The following RAB31 variants were observed in gnomAD, a reference collection of about 807,000 sequenced individuals.
RAB31 encodes the protein ras-related protein Rab-31.
A neutral mutation model predicts 25.6 loss-of-function variants in RAB31; 21 were observed. The ratio of observed to expected loss-of-function variants is 0.82; its 90% confidence interval spans 0.58 to 1.18. The LOEUF (loss-of-function observed/expected upper bound fraction) is 1.18. Ranked by LOEUF, RAB31 falls within the 50% of genes most tolerant of loss-of-function variation. The pLI is 0.00. For missense variants in RAB31, 196 were observed against 250.1 expected (o/e 0.78, Z 1.46); for synonymous variants, 87 against 84.0 (o/e 1.04, Z -0.20).
rs369914204 is a variant in RAB31, at chr18:9,751,497, T to C, written c.40-23781T>C. 1.1e-3 allele frequency among the ~76,000 whole-genome samples: 171 copies of C among 152,242 alleles called. 1 individual carries two copies. Among genetic ancestry groups the C allele is most frequent in the African/African-American group, 3.9e-3 (162 of 41,536 alleles). ...CACTGAGCATAACTGGCTGAATGAG[T>C]GCTCCTGGTGCTTTGGCTAGAGGCA... On this transcript the variant is annotated intron_variant, in intron 1 of 6. Coordinates refer to ENST00000578921, the MANE Select transcript of RAB31 (RefSeq NM_006868.4).
intron 5 of RAB31, among the ~76,000 whole-genome samples, chr18:9,819,320 G>A (rs577065815): frequency 9.1e-4 from 138 of 152,212 alleles, no homozygotes; most frequent in African/African-American, 3.2e-3. Context: ...AGTTGTTGAA[G>A]AGATGGTTTC....
At chr18:9,827,353 T>C (rs2068654828) in intron 5 of RAB31, among the ~76,000 whole-genome samples, 1 of 151,960 alleles carries the variant, frequency 6.6e-6, no homozygotes, top group Non-Finnish European at 1.5e-5. Flanking sequence ...GTGGTAGCAG[T>C]GGGAAGTTAC....
chr18:9,767,148 GCA>G (rs1236091957), intron 1 of RAB31, among the ~76,000 whole-genome samples: 1 of 152,218 alleles, frequency 6.6e-6, no homozygotes, highest in Non-Finnish European at 1.5e-5. Context: ...GGGATGTCAT[GCA>G]CAGAGTCAGT....
rs528139360 is a variant in RAB31 at position 9,768,080 on chromosome 18, T to C, written c.40-7198T>C. Among the ~76,000 whole-genome samples the C allele has an allele frequency of 2.0e-5, 3 of 152,372 alleles. No individual in the cohort carries two copies. The South Asian group carries it at 6.2e-4, about 32-fold the overall frequency. On this transcript the variant is annotated intron_variant, in intron 1 of 6. Coordinates refer to ENST00000578921, the MANE Select transcript of RAB31 (RefSeq NM_006868.4). ...TTTTTTATGGCTTCATAGTATTCCATGATGTACATGTGCCACATTTTCTTT... is the reference window on the plus strand; with the variant it reads ...TTTTTTATGGCTTCATAGTATTCCACGATGTACATGTGCCACATTTTCTTT...
intron 2 of RAB31, among the ~76,000 whole-genome samples, chr18:9,783,021 C>A (rs969743776): frequency 1.3e-5 from 2 of 152,152 alleles, no homozygotes; most frequent in African/African-American, 4.8e-5. Flanking sequence ...CAATGATTGT[C>A]GTGGTCCTCA....
At chr18:9,784,761 C>G (rs772506279) in intron 2 of RAB31, among the ~76,000 whole-genome samples, 23 of 151,416 alleles carry the variant, frequency 1.5e-4, no homozygotes, top group Non-Finnish European at 2.9e-4. Flanking sequence ...CCATGTTGGC[C>G]AGGCTGGTTT....
chr18:9,854,379 C>T (rs2068805038), intron 6 of RAB31, among the ~76,000 whole-genome samples: 1 of 152,186 alleles, frequency 6.6e-6, no homozygotes. Flanking sequence ...TGCATCACCA[C>T]TTCTTTACCT....
chr18:9,743,758 A>C (rs1249909406), intron 1 of RAB31, among the ~76,000 whole-genome samples: 1 of 152,236 alleles, frequency 6.6e-6, no homozygotes, highest in Non-Finnish European at 1.5e-5. Context: ...ATGTTTCGCC[A>C]TCTTGCAGCC....
chr18:9,803,240 C>CTTTT (rs60889612), intron 3 of RAB31, among the ~76,000 whole-genome samples: 8 of 141,654 alleles, frequency 5.6e-5, no homozygotes, highest in Non-Finnish European at 9.2e-5. Context: ...TTTTTCCTTT[C>CTTTT]TTTTTTTTTT....
intron 1 of RAB31, among the ~76,000 whole-genome samples, chr18:9,715,895 A>G (rs2068042058): frequency 6.6e-6 from 1 of 152,166 alleles, no homozygotes; most frequent in Admixed American, 6.5e-5. Context: ...TAAGTTGCAG[A>G]CATGGTGGCA....
chr18:9,827,808 C>T (rs1005310381), intron 5 of RAB31, among the ~76,000 whole-genome samples: 17 of 152,150 alleles, frequency 1.1e-4, no homozygotes, highest in Non-Finnish European at 2.4e-4. Context: ...CAGCAAAGTG[C>T]TGTGAGAATA....
intron 5 of RAB31, among the ~76,000 whole-genome samples, chr18:9,827,612 A>G (rs1201780449): frequency 7.2e-6 from 1 of 139,152 alleles, no homozygotes; most frequent in East Asian, 2.6e-4. Context: ...TTACAGAAAC[A>G]TTGGGAGGGA....
intron 3 of RAB31, among the ~76,000 whole-genome samples, chr18:9,810,146 A>G (rs2068563441): frequency 6.6e-6 from 1 of 152,234 alleles, no homozygotes. Context: ...TCAACATTTT[A>G]ATTTGGTCTT....
chr18:9,749,920 C>T (rs1481051464), intron 1 of RAB31, among the ~76,000 whole-genome samples: 1 of 152,184 alleles, frequency 6.6e-6, no homozygotes, highest in Non-Finnish European at 1.5e-5. Context: ...AGCATGAAAG[C>T]AGGGACAAGA....
chr18:9,857,099 ATC>A lies in RAB31; in HGVS notation c.491-2125_491-2124del, dbSNP rs1327848455. Among the ~76,000 whole-genome samples the A allele has an allele frequency of 5.9e-5, 9 of 152,334 alleles. No individual in the cohort carries two copies. The East Asian group carries it at 1.7e-3, about 29-fold the overall frequency. On this transcript the variant is annotated intron_variant, in intron 6 of 6. Coordinates refer to ENST00000578921, the MANE Select transcript of RAB31 (RefSeq NM_006868.4). ...GAGATGTCCTGCAAAAGCTCTGTAG[ATC>A]TCTGTTGGCTACACAAAATGGCAAA...
intron 1 of RAB31, among the ~76,000 whole-genome samples, chr18:9,712,820 T>C (rs958345713): frequency 9.9e-5 from 15 of 152,230 alleles, no homozygotes; most frequent in African/African-American, 3.6e-4. Context: ...TTGACAACAA[T>C]TTAGAAATTC....
At chr18:9,825,809 C>T (rs1423714293) in intron 5 of RAB31, among the ~76,000 whole-genome samples, 1 of 152,188 alleles carries the variant, frequency 6.6e-6, no homozygotes, top group Non-Finnish European at 1.5e-5. Context: ...TCAAAAGTGT[C>T]ACCCATTATC....
chr18:9,740,248 T>C (rs954702687), intron 1 of RAB31, among the ~76,000 whole-genome samples: 1 of 152,254 alleles, frequency 6.6e-6, no homozygotes, highest in Non-Finnish European at 1.5e-5. Context: ...GAGTTTTCAG[T>C]AAAAGTTCCT....
chr18:9,836,365 G>A (rs1290127647), intron 5 of RAB31, among the ~76,000 whole-genome samples: 1 of 152,068 alleles, frequency 6.6e-6, no homozygotes, highest in Non-Finnish European at 1.5e-5. Context: ...TTTAGGAAGC[G>A]CTAATGAGTC....
Sources: allele counts gnomAD v4.1 joint callset (sites outside exome capture counted in the v4.1 genomes callset), GRCh38; gene constraint gnomAD v4.1.1; transcripts MANE v1.5; gene names NCBI Gene and HGNC (gene_info 2026-07-23, HGNC 2026-07-21).